KRCC1: variants seen among roughly 807,000 people sequenced by gnomAD.
KRCC1 encodes lysine-rich coiled-coil protein 1.
A neutral mutation model predicts 7.4 loss-of-function variants in KRCC1; 3 were observed. The ratio of observed to expected loss-of-function variants is 0.40; its 90% CI spans 0.18 to 1.04. The LOEUF (loss-of-function observed/expected upper bound fraction) is 1.04, where lower values mean the gene tolerates loss of function less well. Ranked by LOEUF, KRCC1 falls within the 50% of genes least tolerant of loss-of-function variation. The pLI is 0.33. For missense variants in KRCC1, 277 were observed against 300.9 expected (o/e 0.92, Z 0.59); for synonymous variants, 102 against 101.6 (o/e 1.00, Z -0.02).
intron 1 of KRCC1, among the ~76,000 whole-genome samples, chr2:88,046,000 T>C (rs1426860161): frequency 3.9e-5 from 6 of 152,184 alleles, no homozygotes; most frequent in Non-Finnish European, 7.3e-5. Flanking sequence ...ATGTTATATG[T>C]GTGGAGTTTA....
Position 88,028,408 on chromosome 2 carries a change from G to C in KRCC1, c.156C>G (p.Ser52=). The change falls in exon 4 of 4, where the codon TCC becomes TCG. Residue 52 remains serine, a synonymous_variant. Coordinates refer to ENST00000347055, the MANE Select transcript of KRCC1 (RefSeq NM_016618.3). Reference sequence around the variant, plus strand: ...GGTCAAACATTCTATACGTGGGTCTGGAATTAACCTCTCCTTTGTACCCAC... The same window carrying C: ...GGTCAAACATTCTATACGTGGGTCTCGAATTAACCTCTCCTTTGTACCCAC... ...ETCGYKGEVN[S]RPTYRMFDQR... 7 of 1,614,054 alleles carry C rather than the reference G, an allele frequency of 4.3e-6. No homozygotes were observed. Among genetic ancestry groups the C allele is most frequent in the Non-Finnish European group, 5.1e-6 (6 of 1,179,998 alleles).
At chr2:88,031,536 C>T (rs1013633271) in intron 3 of KRCC1, among the ~76,000 whole-genome samples, 1 of 151,762 alleles carries the variant, frequency 6.6e-6, no homozygotes, top group South Asian at 2.1e-4. Flanking sequence ...GCTGGAGAAT[C>T]GCCTGAACCT....
At chr2:88,044,863 ATTTT>A (rs11302450) in intron 1 of KRCC1, among the ~76,000 whole-genome samples, 4 of 105,882 alleles carry the variant, frequency 3.8e-5, no homozygotes, top group Non-Finnish European at 2.0e-5. Flanking sequence ...GAGTTTGATA[ATTTT>A]TTTTTTTTTT....
chr2:88,031,615 C>G (rs1672992544), intron 3 of KRCC1, among the ~76,000 whole-genome samples: 1 of 149,880 alleles, frequency 6.7e-6, no homozygotes, highest in Admixed American at 6.6e-5. Context: ...GAGTGAGACT[C>G]CATCTCAAAA....
intron 1 of KRCC1, among the ~76,000 whole-genome samples, chr2:88,053,410 T>G (rs1023943735): frequency 6.6e-6 from 1 of 152,236 alleles, no homozygotes; most frequent in Non-Finnish European, 1.5e-5. Flanking sequence ...ATGCTGAGTC[T>G]GCCAAAAAGC....
chr2:88,029,991 G>A (rs1672963648), intron 3 of KRCC1, among the ~76,000 whole-genome samples: 1 of 150,874 alleles, frequency 6.6e-6, no homozygotes, highest in Non-Finnish European at 1.5e-5. Context: ...AAGACTACAG[G>A]TGCACACCAC....
intron 1 of KRCC1, among the ~76,000 whole-genome samples, chr2:88,047,530 A>G (rs938939627): frequency 6.6e-6 from 1 of 152,144 alleles, no homozygotes; most frequent in Non-Finnish European, 1.5e-5. Flanking sequence ...ATAACAGCAT[A>G]ATAGGTTTGT....
intron 1 of KRCC1, among the ~76,000 whole-genome samples, chr2:88,043,801 C>T (rs1422576220): frequency 2.0e-5 from 3 of 152,172 alleles, no homozygotes; most frequent in Non-Finnish European, 4.4e-5. Context: ...TCCCGAGTAG[C>T]TGGGATTACA....
At chr2:88,055,360 C>T (rs1673595866) in intron 1 of KRCC1, among the ~76,000 whole-genome samples, 2 of 152,224 alleles carry the variant, frequency 1.3e-5, no homozygotes, top group South Asian at 4.1e-4. Flanking sequence ...TAGATTTCCT[C>T]TTGGTCGCCC....
chr2:88,033,371 A>G (rs1392847894), intron 3 of KRCC1, among the ~76,000 whole-genome samples: 1 of 152,100 alleles, frequency 6.6e-6, no homozygotes. Flanking sequence ...CTAAAAATAC[A>G]AAAAATTAGC....
chr2:88,030,859 T>A (rs1449341529), intron 3 of KRCC1, among the ~76,000 whole-genome samples: 1 of 152,222 alleles, frequency 6.6e-6, no homozygotes, highest in Non-Finnish European at 1.5e-5. Context: ...AACAATGGAC[T>A]GAATATATGA....
chr2:88,046,413 TATGG>T lies in KRCC1; in HGVS notation c.-291+9209_-291+9212del, dbSNP rs1363052487. Among the ~76,000 whole-genome samples the T allele has an allele frequency of 5.3e-5, 8 of 152,358 alleles. No individual in the cohort carries two copies. In the South Asian group the frequency reaches 1.7e-3, roughly 32 times the overall value. ...AATGCATGGAACAAGGTAAGTGCTG[TATGG>T]ATGAACTATTTGTATTGTGGTTCAG... On this transcript the variant is annotated intron_variant, in intron 1 of 3. Transcript: ENST00000347055.
At chr2:88,038,044 A>G (rs1356760100) in intron 1 of KRCC1, among the ~76,000 whole-genome samples, 1 of 152,220 alleles carries the variant, frequency 6.6e-6, no homozygotes, top group Non-Finnish European at 1.5e-5. Context: ...AGTTAGAATC[A>G]TATGTAATGT....
chr2:88,051,336 T>C (rs1159398398), intron 1 of KRCC1, among the ~76,000 whole-genome samples: 1 of 152,214 alleles, frequency 6.6e-6, no homozygotes, highest in African/African-American at 2.4e-5. Flanking sequence ...GCTCTTCAAA[T>C]CAGTTTTAAT....
chr2:88,030,866 A>G (rs959175395), intron 3 of KRCC1, among the ~76,000 whole-genome samples: 3 of 152,222 alleles, frequency 2.0e-5, no homozygotes, highest in Non-Finnish European at 2.9e-5. Context: ...GACTGAATAT[A>G]TGATGGTGGT....
intron 1 of KRCC1, 76 bp downstream of exon 1, chr2:88,055,550 C>T (rs1205843329): frequency 6.6e-6 from 1 of 151,930 alleles, no homozygotes; most frequent in Non-Finnish European, 1.5e-5. Flanking sequence ...GGGCTGGGCG[C>T]GCGAGGCCTG....
chr2:88,031,719 G>C (rs1318165661), intron 3 of KRCC1, among the ~76,000 whole-genome samples: 1 of 152,052 alleles, frequency 6.6e-6, no homozygotes, highest in Non-Finnish European at 1.5e-5. Context: ...TGTGCAGCTG[G>C]ACAATGTGTT....
chr2:88,028,123 A>T lies in KRCC1; in HGVS notation c.441T>A (p.Ser147Arg), dbSNP rs1294513782. 3 of 1,613,936 alleles carry T rather than the reference A, an allele frequency of 1.9e-6. No individual in the cohort carries two copies. Among genetic ancestry groups the T allele is most frequent in the Non-Finnish European group, 2.5e-6 (3 of 1,179,988 alleles). Reference sequence around the variant, plus strand: ...TCTGTTTGTGACTGGCTTGATGAGTACTGGTACTGTTATCTGAGGAGAAGT... The same window carrying T: ...TCTGTTTGTGACTGGCTTGATGAGTTCTGGTACTGTTATCTGAGGAGAAGT... ...YKHFSSDNST[S>R]THQASHKQIH... The change falls in exon 4 of 4, where the codon AGT becomes AGA. Residue 147 changes from serine (S) to arginine (R), a missense_variant. Ser to Arg is a moderately radical substitution (Grantham distance 110). Transcript: ENST00000347055.
rs1216123344 is a variant in KRCC1 at position 88,027,260 on chromosome 2, CAA to C, written c.*522_*523del. On this transcript the variant is annotated 3_prime_UTR_variant, in exon 4 of 4. Transcript: ENST00000347055. ...TTCAGAATATAAACTGATTTTGTATCAAGACTCTTTGAAACTTTAGAAACTTT... is the reference window on the plus strand; with the variant it reads ...TTCAGAATATAAACTGATTTTGTATCGACTCTTTGAAACTTTAGAAACTTT... 3.3e-5 allele frequency: 5 copies of C among 152,182 alleles called. No individual in the cohort carries two copies. Among genetic ancestry groups the C allele is most frequent in the African/African-American group, 1.2e-4 (5 of 41,410 alleles). The allele number at this position is 152,182 out of a possible 1,614,324, so 9.4% of individuals were successfully genotyped here.
Sources: gnomAD v4.1 joint callset for allele counts (sites outside exome capture counted in the v4.1 genomes callset) on GRCh38, gnomAD v4.1.1 for gene constraint, MANE v1.5 for transcripts, NCBI Gene and HGNC (gene_info 2026-07-23, HGNC 2026-07-21) for gene names.